Variants in TBL1Y observed in about 807,000 individuals in gnomAD.
TBL1Y encodes transducin beta like 1 Y-linked.
Under a neutral mutation model 12.0 loss-of-function variants are expected in TBL1Y, and 15 were observed. The observed-to-expected ratio is 1.25, with a 90% confidence interval of 0.83 to 1.92. The LOEUF (loss-of-function observed/expected upper bound fraction) is 1.92, where lower values mean the gene tolerates loss of function less well. Among genes scored for constraint, TBL1Y ranks in the 40% most tolerant of loss-of-function variants. The probability of loss-of-function intolerance (pLI) is 0.00; values close to 1 mark genes in which losing one functional copy is unlikely to be tolerated. For synonymous variants in TBL1Y, 53 were observed against 42.6 expected (o/e 1.24, Z -0.95); for missense variants, 148 against 116.7 (o/e 1.27, Z -1.24).
intron 4 of TBL1Y, among the ~76,000 whole-genome samples, chrY:7,012,141 C>A (rs2012522578): frequency 3.0e-5 from 1 of 33,819 alleles, no homozygotes; most frequent in Non-Finnish European, 7.3e-5. Flanking sequence ...TTGTAAGCAG[C>A]AAAGCATGCA....
chrY:6,997,155 C>T (rs944668643), intron 4 of TBL1Y, among the ~76,000 whole-genome samples: 2 of 33,744 alleles, frequency 5.9e-5, no homozygotes, highest in Non-Finnish European at 1.5e-4. Flanking sequence ...GTGGCTCACA[C>T]GTAGAATCCC....
intron 6 of TBL1Y, among the ~76,000 whole-genome samples, chrY:7,038,530 C>T (rs1162839974): frequency 6.1e-5 from 2 of 32,664 alleles, no homozygotes; most frequent in Non-Finnish European, 1.5e-4. Flanking sequence ...GTGGATGCTA[C>T]TGGCTTGTGG....
At chrY:7,044,028 A>G in intron 7 of TBL1Y, among the ~76,000 whole-genome samples, 1 of 32,685 alleles carries the variant, frequency 3.1e-5, no homozygotes, top group South Asian at 7.0e-4. Flanking sequence ...CGCTTTTTAG[A>G]TTGTACCACA....
chrY:7,031,931 C>T, intron 6 of TBL1Y, among the ~76,000 whole-genome samples: 1 of 32,883 alleles, frequency 3.0e-5, no homozygotes, highest in East Asian at 8.2e-4. Flanking sequence ...TGGGGAGAAA[C>T]GGAGGGTGTG....
At chrY:7,021,356 A>G in intron 4 of TBL1Y, 93 bp from the exon 5 acceptor site, 1 of 33,187 alleles carries the variant, frequency 3.0e-5, no homozygotes, top group South Asian at 6.8e-4. Flanking sequence ...AGTTAGGATG[A>G]AAAAGAAACC....
intron 7 of TBL1Y, among the ~76,000 whole-genome samples, chrY:7,058,009 C>A: frequency 3.0e-5 from 1 of 33,817 alleles, no homozygotes; most frequent in East Asian, 7.9e-4. Context: ...GACTGGTATT[C>A]CCTGTGGGAC....
intron 2 of TBL1Y, among the ~76,000 whole-genome samples, chrY:6,971,460 A>G: frequency 3.2e-5 from 1 of 31,433 alleles, no homozygotes; most frequent in Non-Finnish European, 7.6e-5. Flanking sequence ...GGGGTGGGGA[A>G]TGAGGATTTT....
intron 2 of TBL1Y, among the ~76,000 whole-genome samples, chrY:6,944,007 A>G: frequency 3.0e-5 from 1 of 33,701 alleles, no homozygotes; most frequent in African/African-American, 1.2e-4. Context: ...ATGCTGGGCC[A>G]CATCACTCAC....
intron 7 of TBL1Y, among the ~76,000 whole-genome samples, chrY:7,051,014 A>C: frequency 3.0e-5 from 1 of 32,911 alleles, no homozygotes; most frequent in Non-Finnish European, 7.4e-5. Flanking sequence ...GGCTTTTAAA[A>C]AACCCGCATA....
At chrY:6,953,121 A>T in intron 2 of TBL1Y, among the ~76,000 whole-genome samples, 1 of 32,873 alleles carries the variant, frequency 3.0e-5, no homozygotes, top group South Asian at 6.9e-4. Flanking sequence ...TTTTTCCTTC[A>T]TTTCAACTTT....
chrY:6,931,078 C>T, intron 2 of TBL1Y, among the ~76,000 whole-genome samples: 1 of 32,928 alleles, frequency 3.0e-5, no homozygotes, highest in Non-Finnish European at 7.4e-5. Flanking sequence ...TGTGAAGGTC[C>T]GCGACTTCAT....
intron 4 of TBL1Y, among the ~76,000 whole-genome samples, chrY:7,017,375 A>G (rs2012556054): frequency 6.0e-5 from 2 of 33,590 alleles, no homozygotes; most frequent in Admixed American, 5.4e-4. Context: ...TGAATGTCCA[A>G]GGGAATGTCT....
At chrY:7,041,843 G>A (rs556077562) in intron 6 of TBL1Y, among the ~76,000 whole-genome samples, 1 of 32,696 alleles carries the variant, frequency 3.1e-5, no homozygotes, top group Non-Finnish European at 7.5e-5. Flanking sequence ...AGTGGCCTTG[G>A]CTTCTTTCTT....
At chrY:6,929,713 G>A (rs2011852205) in intron 2 of TBL1Y, among the ~76,000 whole-genome samples, 1 of 33,343 alleles carries the variant, frequency 3.0e-5, no homozygotes, top group Non-Finnish European at 7.4e-5. Flanking sequence ...CAGATGGGCC[G>A]CCGCTACCAT....
chrY:7,077,071 C>T, intron 13 of TBL1Y, among the ~76,000 whole-genome samples: 1 of 32,208 alleles, frequency 3.1e-5, no homozygotes, highest in Non-Finnish European at 7.5e-5. Flanking sequence ...CAGCCGTACA[C>T]ATCTACCCAT....
At chrY:7,022,142 C>T in intron 5 of TBL1Y, among the ~76,000 whole-genome samples, 1 of 32,833 alleles carries the variant, frequency 3.0e-5, no homozygotes, top group African/African-American at 1.2e-4. Flanking sequence ...GACCTGCACC[C>T]CAAAAGTTCT....
chrY:6,947,497 A>C (rs754175615), intron 2 of TBL1Y, among the ~76,000 whole-genome samples: 157 of 33,915 alleles, frequency 4.6e-3, no homozygotes, highest in Admixed American at 0.015. Flanking sequence ...AAGAAAATTG[A>C]AAGTATTATT....
At chrY:7,056,152 A>G (rs2012823203) in intron 7 of TBL1Y, among the ~76,000 whole-genome samples, 1 of 33,852 alleles carries the variant, frequency 3.0e-5, no homozygotes, top group Non-Finnish European at 7.3e-5. Context: ...AAAAACAAAA[A>G]ACAAAAAACG....
chrY:7,074,069 A>G (rs2013048151), intron 12 of TBL1Y, among the ~76,000 whole-genome samples: 1 of 33,672 alleles, frequency 3.0e-5, no homozygotes, highest in Admixed American at 2.7e-4. Flanking sequence ...GATTTGTTCT[A>G]GGTTTTTCAA....
Sources: allele counts gnomAD v4.1 joint callset (sites outside exome capture counted in the v4.1 genomes callset), GRCh38; gene constraint gnomAD v4.1.1; transcripts MANE v1.5; gene names NCBI Gene and HGNC (gene_info 2026-07-23, HGNC 2026-07-21).